Variants in KIAA0319 observed in about 807,000 individuals in gnomAD.
KIAA0319 encodes the protein KIAA0319.
A neutral mutation model predicts 108.4 loss-of-function variants in KIAA0319; 83 were observed. The observed-to-expected ratio is 0.77, with a 90% confidence interval of 0.64 to 0.92. The LOEUF (loss-of-function observed/expected upper bound fraction) is 0.92, where lower values mean the gene tolerates loss of function less well. KIAA0319 is among the 40% of genes least tolerant of loss of function. The probability of loss-of-function intolerance (pLI) is 0.00; values close to 1 mark genes in which losing one functional copy is unlikely to be tolerated. For missense variants in KIAA0319, 1,195 were observed against 1,322.4 expected, an observed-to-expected ratio of 0.90 and a Z score of 1.49; for synonymous variants, 484 against 510.4, an observed-to-expected ratio of 0.95 and a Z score of 0.70.
intron 14 of KIAA0319, among the ~76,000 whole-genome samples, 191 bp downstream of exon 14, chr6:24,566,406 T>C (rs1278140008): frequency 6.6e-6 from 1 of 152,230 alleles, no homozygotes; most frequent in Non-Finnish European, 1.5e-5. Flanking sequence ...CACTGGAAAC[T>C]GAATTAGCCA....
intron 1 of KIAA0319, among the ~76,000 whole-genome samples, chr6:24,629,447 A>G (rs9379674): frequency 0.7 from 100,327 of 143,222 alleles, 35,858 homozygotes; most frequent in East Asian, 0.87. Flanking sequence ...CCCGGGAAGC[A>G]GAGCTTGCAA....
At chr6:24,586,302 C>T (rs1170573847) in intron 4 of KIAA0319, among the ~76,000 whole-genome samples, 1 of 149,160 alleles carries the variant, frequency 6.7e-6, no homozygotes, top group Non-Finnish European at 1.5e-5. Flanking sequence ...TTATTTTGAG[C>T]TGTGTTTTTT....
intron 1 of KIAA0319, among the ~76,000 whole-genome samples, chr6:24,622,319 TA>T (rs5874995): frequency 1.0e-3 from 119 of 114,588 alleles, no homozygotes; most frequent in Non-Finnish European, 1.4e-3. Flanking sequence ...TTTGAGAAAT[TA>T]AAAAAAAAAA....
intron 1 of KIAA0319, among the ~76,000 whole-genome samples, chr6:24,636,695 G>T (rs1370368706): frequency 6.6e-6 from 1 of 152,180 alleles, no homozygotes; most frequent in African/African-American, 2.4e-5. Flanking sequence ...TGGATGAGAT[G>T]ATATTGAAGA....
At chr6:24,642,733 T>C (rs1180757984) in intron 1 of KIAA0319, among the ~76,000 whole-genome samples, 1 of 152,192 alleles carries the variant, frequency 6.6e-6, no homozygotes, top group African/African-American at 2.4e-5. Flanking sequence ...TTTTTTTTTT[T>C]TTTGAATTAG....
At chr6:24,564,175 G>A in intron 15 of KIAA0319, 27 bp downstream of exon 15, 1 of 1,613,814 alleles carries the variant, frequency 6.2e-7, no homozygotes, top group South Asian at 1.1e-5. Context: ...GAGCCTGCAT[G>A]GCCAGCTCCA....
At chr6:24,551,289 A>C in intron 20 of KIAA0319, 145 bp downstream of exon 20, 1 of 650,468 alleles carries the variant, frequency 1.5e-6, no homozygotes, top group Non-Finnish European at 2.7e-6. Flanking sequence ...GTTGTTTTTC[A>C]TCACAGAATC....
Position 24,581,020 on chromosome 6 carries a change from C to T in KIAA0319, c.1192-7G>A, listed in dbSNP as rs569553735. 1 of 1,585,844 alleles carries T rather than the reference C, an allele frequency of 6.3e-7. No homozygotes were observed. Among genetic ancestry groups the T allele is most frequent in the African/African-American group, 1.3e-5 (1 of 74,350 alleles). ...CATAAAGTCCGACGGACAACTGTAA[C>T]ATAAAGAAAAGTTGTACAGTTCAAC... On this transcript the variant is annotated splice_region_variant and splice_polypyrimidine_tract_variant and intron_variant, in intron 6 of 20. Transcript: ENST00000378214.
intron 3 of KIAA0319, among the ~76,000 whole-genome samples, chr6:24,594,646 A>C (rs972255965): frequency 6.6e-5 from 10 of 151,454 alleles, no homozygotes; most frequent in African/African-American, 1.9e-4. Context: ...AAACAACAAA[A>C]AAAAAAAACA....
intron 1 of KIAA0319, among the ~76,000 whole-genome samples, chr6:24,640,921 C>T (rs867244433): frequency 6.6e-6 from 1 of 152,086 alleles, no homozygotes; most frequent in Non-Finnish European, 1.5e-5. Context: ...CCCAAACCGC[C>T]GCAATTACAG....
chr6:24,583,275 A>G, intron 5 of KIAA0319: 1 of 1,007,384 alleles, frequency 9.9e-7, no homozygotes, highest in Non-Finnish European at 1.2e-6. Context: ...TCCCGGTGGA[A>G]TCTTCCCAGG....
At chr6:24,633,440 A>G (rs927536269) in intron 1 of KIAA0319, among the ~76,000 whole-genome samples, 6 of 152,202 alleles carry the variant, frequency 3.9e-5, no homozygotes, top group African/African-American at 1.4e-4. Flanking sequence ...AAAGATAACA[A>G]TATGTTACGT....
chr6:24,589,202 C>A (rs907587890), intron 3 of KIAA0319, among the ~76,000 whole-genome samples: 2 of 152,102 alleles, frequency 1.3e-5, no homozygotes, highest in African/African-American at 4.8e-5. Context: ...GAGGGTAAAG[C>A]CTTCATAAAT....
At chr6:24,589,154 T>C (rs990604413) in intron 3 of KIAA0319, among the ~76,000 whole-genome samples, 4 of 152,206 alleles carry the variant, frequency 2.6e-5, no homozygotes, top group Non-Finnish European at 5.9e-5. Flanking sequence ...AATGTGATAG[T>C]ATTTGGAGGT....
chr6:24,547,079 T>C lies in KIAA0319; in HGVS notation c.*86A>G. ...ACTGGGGAAGAAGGTCAATGAACTATTCTAAAAGAGTGGGTTTTGTGCTGT... is the reference window on the plus strand; with the variant it reads ...ACTGGGGAAGAAGGTCAATGAACTACTCTAAAAGAGTGGGTTTTGTGCTGT... On this transcript the variant is annotated 3_prime_UTR_variant, in exon 21 of 21. Coordinates refer to ENST00000378214, the MANE Select transcript of KIAA0319 (RefSeq NM_014809.4). The C allele has an allele frequency of 1.4e-6, 2 of 1,384,282 alleles. No homozygotes were observed. Among genetic ancestry groups the C allele is most frequent in the South Asian group, 2.5e-5 (2 of 79,636 alleles). The allele number at this position is 1,384,282 out of a possible 1,614,324, so 85.7% of individuals were successfully genotyped here. A position where few individuals can be genotyped will look rare whatever the true frequency, so the allele number is the denominator to read the frequency against.
intron 16 of KIAA0319, among the ~76,000 whole-genome samples, chr6:24,562,341 C>T (rs1259292837): frequency 1.3e-5 from 2 of 152,128 alleles, no homozygotes; most frequent in Non-Finnish European, 2.9e-5. Flanking sequence ...ATATATGATC[C>T]ATTTTAGAAA....
Position 24,545,479 on chromosome 6 carries a change from CTGGTCACCTGA to C in KIAA0319, c.*1675_*1685del. On this transcript the variant is annotated 3_prime_UTR_variant, in exon 21 of 21. Transcript: ENST00000378214. The stretch of plus-strand genomic sequence containing the variant: ...CATTTGCATGCAAACAACCATAACC[CTGGTCACCTGA>C]TAAGGCAGATTCTAGGCTTATGAAG... 1 of 152,112 alleles carries C rather than the reference CTGGTCACCTGA, an allele frequency of 6.6e-6. No individual in the cohort carries two copies. Among genetic ancestry groups the C allele is most frequent in the East Asian group, 1.9e-4 (1 of 5,194 alleles). 9.4% of individuals were successfully genotyped at this position (152,112 alleles called of 1,614,324 possible). A position where few individuals can be genotyped will look rare whatever the true frequency, so the allele number is the denominator to read the frequency against.
At chr6:24,562,263 A>T (rs1763208660) in intron 16 of KIAA0319, among the ~76,000 whole-genome samples, 1 of 152,234 alleles carries the variant, frequency 6.6e-6, no homozygotes, top group South Asian at 2.1e-4. Flanking sequence ...TCTGTCCAAG[A>T]AACAACTTTT....
rs1767922421 is a variant in KIAA0319 at position 24,588,588 on chromosome 6, G to T, written c.994+5C>A. ...TTTCTTGAAATTGTATTTTTTAAAA[G>T]TTACCTGTCCTGGGAGCAGTGGTAG... On this transcript the variant is annotated splice_donor_5th_base_variant and intron_variant, in intron 4 of 20. Coordinates refer to ENST00000378214, the MANE Select transcript of KIAA0319 (RefSeq NM_014809.4). 2 of 1,606,166 alleles carry T rather than the reference G, an allele frequency of 1.2e-6. No homozygotes were observed. Among genetic ancestry groups the T allele is most frequent in the Non-Finnish European group, 1.7e-6 (2 of 1,175,136 alleles).
Sources: gnomAD v4.1 joint callset for allele counts (sites outside exome capture counted in the v4.1 genomes callset) on GRCh38, gnomAD v4.1.1 for gene constraint, MANE v1.5 for transcripts, NCBI Gene and HGNC (gene_info 2026-07-23, HGNC 2026-07-21) for gene names.